CACNA1D: variants seen among roughly 807,000 people sequenced by gnomAD.
CACNA1D encodes calcium voltage-gated channel subunit alpha1 D, also known as voltage-dependent L-type calcium channel subunit alpha-1D.
A neutral mutation model predicts 257.1 loss-of-function variants in CACNA1D; 55 were observed. That is an observed-to-expected ratio of 0.21 (90% CI 0.17 to 0.27). The LOEUF (loss-of-function observed/expected upper bound fraction) is 0.27, where lower values mean the gene tolerates loss of function less well. Ranked by LOEUF, CACNA1D falls within the 10% of genes least tolerant of loss-of-function variation. The pLI, the probability that CACNA1D is intolerant of heterozygous loss-of-function variation, is 1.00. For missense variants in CACNA1D, 1,876 were observed against 2,784.0 expected (o/e 0.67, Z 7.34); for synonymous variants, 980 against 1,014.9 (o/e 0.97, Z 0.65).
chr3:53,806,066 A>C (rs1267704129), intron 45 of CACNA1D, among the ~76,000 whole-genome samples: 6 of 91,650 alleles, frequency 6.5e-5, no homozygotes, highest in Non-Finnish European at 6.2e-5. Context: ...CTCCTCCCTC[A>C]TTTTCTCTCA....
At chr3:53,780,227 A>G in intron 38 of CACNA1D, 99 bp downstream of exon 38, 1 of 968,024 alleles carries the variant, frequency 1.0e-6, no homozygotes, top group Non-Finnish European at 1.7e-6. Flanking sequence ...GGCCAAGGGG[A>G]GGCCCTGGGG....
rs527779294 is a variant in CACNA1D at position 53,669,621 on chromosome 3, C to A, written c.1116+3086C>A. 3.9e-5 allele frequency among the ~76,000 whole-genome samples: 6 copies of A among 152,268 alleles called. No homozygotes were observed. In the South Asian group the frequency reaches 1.2e-3, roughly 32 times the overall value. ...CTTCTCACTAGTGTCTGGAAAATGT[C>A]TGGCAGGGTCTTGAGAAGGGAAGTA... On this transcript the variant is annotated intron_variant, in intron 7 of 47. Coordinates refer to ENST00000350061, the MANE Select transcript of CACNA1D (RefSeq NM_001128840.3).
chr3:53,753,413 G>C (rs2095242102), intron 28 of CACNA1D, among the ~76,000 whole-genome samples, 159 bp from the exon 29 acceptor site: 1 of 152,238 alleles, frequency 6.6e-6, no homozygotes. Flanking sequence ...CTTTGTGGGA[G>C]TTCACCACAT....
At chr3:53,805,584 G>T (rs58254944) in intron 45 of CACNA1D, among the ~76,000 whole-genome samples, 1 of 151,924 alleles carries the variant, frequency 6.6e-6, no homozygotes, top group African/African-American at 2.4e-5. Context: ...TGGCTGTGCC[G>T]CAGGCCTGTC....
rs765103640 is a variant in CACNA1D at position 53,762,124 on chromosome 3, CTCTG to C, written c.3870+49_3870+52del. On this transcript the variant is annotated intron_variant, in intron 30 of 47. Coordinates refer to ENST00000350061, the MANE Select transcript of CACNA1D (RefSeq NM_001128840.3). Reference sequence around the variant, plus strand: ...GTGGCCGCCACCTGTGTCCTCTCTCCTCTGTCTGTGCATACTCCGCTCCCTGCCC... The same window carrying C: ...GTGGCCGCCACCTGTGTCCTCTCTCCTCTGTGCATACTCCGCTCCCTGCCC... The C allele has an allele frequency of 2.8e-5, 34 of 1,234,088 alleles. No individual in the cohort carries two copies. In the East Asian group the frequency reaches 4.6e-4, roughly 17 times the overall value. 76.4% of individuals were successfully genotyped at this position (1,234,088 alleles called of 1,614,324 possible).
intron 3 of CACNA1D, among the ~76,000 whole-genome samples, chr3:53,509,888 C>A (rs1015054297): frequency 2.0e-5 from 3 of 152,140 alleles, no homozygotes; most frequent in African/African-American, 7.2e-5. Flanking sequence ...TATAAGAGGA[C>A]GTATTTATAA....
chr3:53,590,834 C>T (rs919917851), intron 3 of CACNA1D, among the ~76,000 whole-genome samples: 1 of 152,294 alleles, frequency 6.6e-6, no homozygotes, highest in Middle Eastern at 3.4e-3. Context: ...CACTGAGAAG[C>T]ACTGAGCACT....
intron 3 of CACNA1D, among the ~76,000 whole-genome samples, chr3:53,621,617 TAC>T (rs2108040994): frequency 6.6e-6 from 1 of 152,332 alleles, no homozygotes; most frequent in South Asian, 2.1e-4. Context: ...AAAAGTCTGA[TAC>T]AGTAACTTCA....
At chr3:53,516,365 A>ATT (rs934465369) in intron 3 of CACNA1D, among the ~76,000 whole-genome samples, 1 of 152,110 alleles carries the variant, frequency 6.6e-6, no homozygotes, top group African/African-American at 2.4e-5. Flanking sequence ...TTGCCTTATG[A>ATT]TTTTTTCCCT....
intron 29 of CACNA1D, among the ~76,000 whole-genome samples, chr3:53,756,924 T>C (rs2095269202): frequency 6.6e-6 from 1 of 152,218 alleles, no homozygotes; most frequent in Non-Finnish European, 1.5e-5. Flanking sequence ...CATACTTCGT[T>C]CCCATCTTAG....
At chr3:53,557,740 A>G (rs2092672621) in intron 3 of CACNA1D, among the ~76,000 whole-genome samples, 1 of 152,350 alleles carries the variant, frequency 6.6e-6, no homozygotes, top group African/African-American at 2.4e-5. Context: ...CTTCACCAGC[A>G]CTATACTGTT....
Position 53,764,281 on chromosome 3 carries a change from C to T in CACNA1D, c.3870+2200C>T, listed in dbSNP as rs980593587. Among the ~76,000 whole-genome samples the T allele has an allele frequency of 9.2e-5, 14 of 152,298 alleles. No homozygotes were observed. In the East Asian group the frequency reaches 1.2e-3, roughly 13 times the overall value. The stretch of plus-strand genomic sequence containing the variant: ...TAACTGGGCTGCCCTGAGCTCTCTC[C>T]GAAGTTTATGGCTAGACATCTGCCA... On this transcript the variant is annotated intron_variant, in intron 30 of 47. Coordinates refer to ENST00000350061, the MANE Select transcript of CACNA1D (RefSeq NM_001128840.3).
chr3:53,680,953 A>G (rs2108462148), intron 8 of CACNA1D, among the ~76,000 whole-genome samples: 2 of 151,866 alleles, frequency 1.3e-5, no homozygotes, highest in Middle Eastern at 3.5e-3. Flanking sequence ...CTTCCTTGTT[A>G]AAGTTCAACA....
chr3:53,518,213 G>A (rs757874813), intron 3 of CACNA1D, among the ~76,000 whole-genome samples: 2 of 152,332 alleles, frequency 1.3e-5, no homozygotes, highest in Middle Eastern at 3.4e-3. Context: ...GGTGGAAGCA[G>A]CCCTGCCTTC....
chr3:53,528,935 T>C (rs905244293), intron 3 of CACNA1D, among the ~76,000 whole-genome samples: 3 of 152,196 alleles, frequency 2.0e-5, no homozygotes, highest in Non-Finnish European at 4.4e-5. Context: ...ATGAACACAA[T>C]TATTTTGTGA....
At chr3:53,756,205 G>C (rs760558398) in intron 29 of CACNA1D, among the ~76,000 whole-genome samples, 1 of 152,170 alleles carries the variant, frequency 6.6e-6, no homozygotes, top group Non-Finnish European at 1.5e-5. Context: ...AAGAGGGAAC[G>C]GTTAAAGAAA....
intron 3 of CACNA1D, among the ~76,000 whole-genome samples, chr3:53,552,742 C>T (rs184241870): frequency 1.1e-3 from 161 of 152,214 alleles, no homozygotes; most frequent in Non-Finnish European, 2.0e-3. Context: ...ATTTATTTTG[C>T]TTGGCATTGT....
intron 6 of CACNA1D, 71 bp from the exon 7 acceptor site, chr3:53,666,268 T>C (rs771529299): frequency 1.8e-5 from 27 of 1,459,846 alleles, no homozygotes; most frequent in Non-Finnish European, 2.0e-5. Flanking sequence ...GCAAGGGTTC[T>C]CACCTTCCGC....
chr3:53,770,154 A>G (rs368154094), intron 31 of CACNA1D, 137 bp downstream of exon 31: 9 of 819,096 alleles, frequency 1.1e-5, no homozygotes, highest in African/African-American at 5.1e-5. Context: ...TGCATTCATC[A>G]TCAGTGTCCA....
Sources: gnomAD v4.1 joint callset for allele counts (sites outside exome capture counted in the v4.1 genomes callset) on GRCh38, gnomAD v4.1.1 for gene constraint, MANE v1.5 for transcripts, NCBI Gene and HGNC (gene_info 2026-07-23, HGNC 2026-07-21) for gene names.